TRIM58: variants seen among roughly 807,000 people sequenced by gnomAD.
TRIM58 encodes the protein tripartite motif containing 58.
Under a neutral mutation model 34.1 loss-of-function variants are expected in TRIM58, and 38 were observed. That is an observed-to-expected ratio of 1.12 (90% CI 0.86 to 1.46). The LOEUF is 1.46. Among genes scored for constraint, TRIM58 ranks in the 40% most tolerant of loss-of-function variants. The probability of loss-of-function intolerance (pLI) is 0.00; values close to 1 mark genes in which losing one functional copy is unlikely to be tolerated. For synonymous variants in TRIM58, 273 were observed against 275.7 expected (o/e 0.99, Z 0.10); for missense variants, 677 against 642.0 (o/e 1.05, Z -0.59).
At chr1:247,858,312 G>A (rs778369813) in intron 1 of TRIM58, among the ~76,000 whole-genome samples, 2 of 152,134 alleles carry the variant, frequency 1.3e-5, no homozygotes, top group Non-Finnish European at 2.9e-5. Context: ...GCTTCAAAGA[G>A]AAAGAAGAAA....
chr1:247,868,467 C>T (rs1256597137), intron 5 of TRIM58, among the ~76,000 whole-genome samples: 9 of 152,088 alleles, frequency 5.9e-5, no homozygotes, highest in African/African-American at 1.2e-4. Flanking sequence ...GATTTCTCTC[C>T]GCAAACAGCC....
intron 3 of TRIM58, 51 bp downstream of exon 3, chr1:247,864,986 G>C (rs950288746): frequency 2.0e-6 from 3 of 1,468,274 alleles, no homozygotes; most frequent in Non-Finnish European, 1.8e-6. Flanking sequence ...AGGTGACAGA[G>C]ACTAGTACAA....
intron 5 of TRIM58, among the ~76,000 whole-genome samples, chr1:247,869,947 T>G (rs542265039): frequency 6.6e-6 from 1 of 152,306 alleles, no homozygotes; most frequent in South Asian, 2.1e-4. Flanking sequence ...TGGATGATTT[T>G]AGGGAGATAG....
intron 3 of TRIM58, among the ~76,000 whole-genome samples, chr1:247,866,882 G>T (rs1663939562): frequency 6.6e-6 from 1 of 152,094 alleles, no homozygotes; most frequent in South Asian, 2.1e-4. Context: ...TTTTACCCCT[G>T]AAGGCCAAGA....
intron 5 of TRIM58, among the ~76,000 whole-genome samples, chr1:247,874,094 C>T (rs1268654133): frequency 6.6e-6 from 1 of 152,166 alleles, no homozygotes; most frequent in Non-Finnish European, 1.5e-5. Context: ...ACTATATTAA[C>T]ATGTTAGTCT....
intron 1 of TRIM58, among the ~76,000 whole-genome samples, chr1:247,858,987 G>C (rs866305095): frequency 6.6e-6 from 1 of 151,910 alleles, no homozygotes; most frequent in Non-Finnish European, 1.5e-5. Context: ...GGCTGGTCTT[G>C]AACTCCTGAC....
intron 3 of TRIM58, among the ~76,000 whole-genome samples, chr1:247,867,539 C>CA (rs1315187969): frequency 1.3e-5 from 2 of 151,680 alleles, no homozygotes; most frequent in Non-Finnish European, 2.9e-5. Flanking sequence ...ACTGAAAATA[C>CA]AAAAAAATAA....
intron 5 of TRIM58, among the ~76,000 whole-genome samples, chr1:247,870,167 G>A (rs1047468536): frequency 2.0e-5 from 3 of 152,194 alleles, no homozygotes; most frequent in African/African-American, 7.2e-5. Flanking sequence ...TACAGTGTGT[G>A]ATGGTCTCCA....
At position 247,875,985 on chromosome 1, in the gene TRIM58, G is replaced by A. The variant is rs1346369186; in HGVS notation, c.957G>A (p.Trp319Ter). The change falls in exon 6 of 6, where the codon TGG (tryptophan) becomes TGA (stop). Residue 319 changes from tryptophan to a stop codon, truncating the protein, a stop_gained. Transcript: ENST00000366481. LOFTEE classifies it low-confidence loss of function (END_TRUNC). ...GCAGTGTGCAGGATGGAGAACCATG[G>A]AGGGATGTCCCCAACAACCCTGAGC... ...DLRSVQDGEP[W>*]RDVPNNPERF... 1 of 1,614,238 alleles carries A rather than the reference G, an allele frequency of 6.2e-7. No homozygotes were observed. Among genetic ancestry groups the A allele is most frequent in the Admixed American group, 1.7e-5 (1 of 60,038 alleles).
chr1:247,861,170 T>G (rs944418502), intron 2 of TRIM58, among the ~76,000 whole-genome samples: 1 of 152,140 alleles, frequency 6.6e-6, no homozygotes, highest in Non-Finnish European at 1.5e-5. Flanking sequence ...ACATATTCCA[T>G]TTTTTTATAC....
Position 247,857,646 on chromosome 1 carries a change from G to A in TRIM58, c.400G>A (p.Glu134Lys). The A allele has an allele frequency of 8.1e-7, 1 of 1,234,614 alleles. No individual in the cohort carries two copies. Among genetic ancestry groups the A allele is most frequent in the Non-Finnish European group, 1.0e-6 (1 of 989,500 alleles). The allele number at this position is 1,234,614 out of a possible 1,614,324, so 76.5% of individuals were successfully genotyped here. ...HRTHRTAPLQ[E>K]AAGSYQVKLQ... ...GACGCACCGCACGGCGCCGCTGCAG[G>A]AGGCCGCCGGCAGCTACCAGGTGAG... Residue 134 changes from glutamate to lysine, a missense_variant, in exon 1 of 6, where the codon GAG becomes AAG. By Grantham distance (56) the Glu-to-Lys change is moderately conservative. Coordinates refer to ENST00000366481, the MANE Select transcript of TRIM58 (RefSeq NM_015431.4).
chr1:247,862,974 G>T (rs1056929401), intron 2 of TRIM58, among the ~76,000 whole-genome samples: 1 of 152,108 alleles, frequency 6.6e-6, no homozygotes, highest in Non-Finnish European at 1.5e-5. Context: ...CAGTGGCTGC[G>T]TTATTTGCCC....
chr1:247,857,368 C>T lies in TRIM58; in HGVS notation c.122C>T (p.Ser41Phe), dbSNP rs751826784. 2 of 1,525,948 alleles carry T rather than the reference C, an allele frequency of 1.3e-6. 1 individual carries two copies. The highest frequency in any genetic ancestry group is 2.5e-5 in the South Asian group (2 of 80,310). 94.5% of individuals were successfully genotyped at this position (1,525,948 alleles called of 1,614,324 possible). Residue 41 changes from serine (S) to phenylalanine (F), a missense_variant, in exon 1 of 6, where the codon TCC becomes TTC. Transcript: ENST00000366481. ...CGHSFCLRCI[S>F]EFCEKSDGAQ... The stretch of plus-strand genomic sequence containing the variant: ...CACAGCTTCTGCCTCAGGTGCATCT[C>T]CGAGTTCTGCGAGAAGTCGGACGGC...
intron 5 of TRIM58, among the ~76,000 whole-genome samples, chr1:247,875,466 T>G (rs1481218722): frequency 2.0e-5 from 3 of 152,026 alleles, no homozygotes; most frequent in Non-Finnish European, 4.4e-5. Context: ...AGTTTGAGGC[T>G]GTAGTGTACC....
Position 247,875,927 on chromosome 1 carries a change from C to T in TRIM58, c.899C>T (p.Ala300Val), listed in dbSNP as rs780979068. The change falls in exon 6 of 6, where the codon GCG becomes GTG. Residue 300 changes from alanine (A) to valine (V), a missense_variant. By Grantham distance (64) the Ala-to-Val change is moderately conservative. Transcript: ENST00000366481. The stretch of plus-strand genomic sequence containing the variant: ...GATGTAAAGCTGGATCCCGCCACGG[C>T]GCACCCGAGTCTGCTCTTGACCGCC... ...QVDVKLDPAT[A>V]HPSLLLTADL... 16 of 1,612,964 alleles carry T rather than the reference C, an allele frequency of 9.9e-6. No individual in the cohort carries two copies. The highest frequency in any genetic ancestry group is 1.7e-5 in the Admixed American group (1 of 59,906).
rs773657378 is a variant in TRIM58, at chr1:247,864,791, G to A, written c.603G>A (p.Leu201=). 1.2e-6 allele frequency: 2 copies of A among 1,614,036 alleles called. No individual in the cohort carries two copies. Among genetic ancestry groups the A allele is most frequent in the Middle Eastern group, 1.7e-4 (1 of 6,008 alleles). The change falls in exon 3 of 6, where the codon CTG becomes CTA. Residue 201 remains leucine (L), a synonymous_variant. Transcript: ENST00000366481. The part of the protein sequence containing the change: ...GFLAQEEQRQ[L]RRLEAEERAT... The stretch of plus-strand genomic sequence containing the variant: ...TGGCCCAGGAGGAGCAACGGCAGCT[G>A]AGGCGGCTGGAGGCGGAGGAGCGAG...
intron 1 of TRIM58, among the ~76,000 whole-genome samples, chr1:247,858,047 A>T (rs1030912425): frequency 6.6e-6 from 1 of 152,210 alleles, no homozygotes; most frequent in African/African-American, 2.4e-5. Context: ...AACTTGCCAT[A>T]ATAATTCTCA....
intron 3 of TRIM58, 79 bp downstream of exon 3, chr1:247,865,014 C>T (rs1663889282): frequency 7.6e-7 from 1 of 1,312,666 alleles, no homozygotes. Context: ...CAGAGACAAA[C>T]ACTTTGGCGT....
intron 2 of TRIM58, 100 bp downstream of exon 2, chr1:247,860,812 C>A: frequency 1.1e-6 from 1 of 910,188 alleles, no homozygotes; most frequent in Non-Finnish European, 1.7e-6. Context: ...CACTTTTGTT[C>A]CATCTCCATA....
Sources: gnomAD v4.1 joint callset for allele counts (sites outside exome capture counted in the v4.1 genomes callset) on GRCh38, gnomAD v4.1.1 for gene constraint, MANE v1.5 for transcripts, NCBI Gene and HGNC (gene_info 2026-07-23, HGNC 2026-07-21) for gene names.